Variants in GLT1D1 observed in about 807,000 individuals in gnomAD.
The protein encoded by GLT1D1 is glycosyltransferase 1 domain containing 1.
GLT1D1 carries 21 observed loss-of-function variants against 28.7 expected under a neutral mutation model. The observed-to-expected ratio is 0.73, with a 90% CI of 0.52 to 1.05. The LOEUF (loss-of-function observed/expected upper bound fraction) is 1.05, where lower values mean the gene tolerates loss of function less well. Among genes scored for constraint, GLT1D1 ranks in the 50% least tolerant of loss-of-function variants. GLT1D1 has a pLI of 0.00. For missense variants in GLT1D1, 343 were observed against 330.6 expected (o/e 1.04, Z -0.29); for synonymous variants, 147 against 124.8 (o/e 1.18, Z -1.19).
At chr12:128,878,295 A>T (rs1956921660) in intron 2 of GLT1D1, among the ~76,000 whole-genome samples, 1 of 152,314 alleles carries the variant, frequency 6.6e-6, no homozygotes, top group African/African-American at 2.4e-5. Context: ...TCAGCCACAC[A>T]TCTGGGAACT....
intron 1 of GLT1D1, among the ~76,000 whole-genome samples, chr12:128,874,128 T>TCTCTCTC (rs1566091531): frequency 2.1e-5 from 1 of 46,564 alleles, no homozygotes; most frequent in African/African-American, 9.3e-5. Context: ...CTCTCTCTCT[T>TCTCTCTC]TCTTTCTTTC....
chr12:128,966,491 C>T lies in GLT1D1; in HGVS notation c.639+8848C>T, dbSNP rs192980722. On this transcript the variant is annotated intron_variant, in intron 7 of 7. Transcript: ENST00000281703. ...TCCTGGCATGTGTCACGGTGCCACA[C>T]TGCTTGCTCCCCACACCCTCCTCCC... Among the ~76,000 whole-genome samples, 166 of 152,330 alleles carry T rather than the reference C, an allele frequency of 1.1e-3. 3 individuals are homozygous for T. Among genetic ancestry groups the T allele is most frequent in the Non-Finnish European group, 9.3e-4 (63 of 68,034 alleles).
Position 128,983,042 on chromosome 12 carries a change from C to T in GLT1D1, c.753C>T (p.Asp251=), listed in dbSNP as rs779962467. ...ATCATTCATGGCAGGTGGAAAGAGA[C>T]ACCTACCAACAGCTCATCAGGAAGC... Residue 251 remains aspartate (D), a synonymous_variant, in exon 8 of 8, where the codon GAC becomes GAT. Transcript: ENST00000281703. This position sits in a 1 kb window ranked among gnomAD's most constrained non-coding sequence, Gnocchi z 4.7. 6 of 1,613,990 alleles carry T rather than the reference C, an allele frequency of 3.7e-6. No homozygotes were observed. Among genetic ancestry groups the T allele is most frequent in the Non-Finnish European group, 5.1e-6 (6 of 1,180,004 alleles).
chr12:128,922,870 C>A (rs1383226039), intron 4 of GLT1D1, among the ~76,000 whole-genome samples: 1 of 141,102 alleles, frequency 7.1e-6, no homozygotes, highest in African/African-American at 2.6e-5. Flanking sequence ...TTGCAGTGAG[C>A]CGAGAACGCA....
intron 2 of GLT1D1, among the ~76,000 whole-genome samples, chr12:128,876,835 C>T (rs1956881283): frequency 6.6e-6 from 1 of 152,142 alleles, no homozygotes. Flanking sequence ...AACTGATTAA[C>T]ATCCAACAAG....
chr12:128,883,566 G>A (rs1325818852), intron 2 of GLT1D1, among the ~76,000 whole-genome samples: 1 of 147,892 alleles, frequency 6.8e-6, no homozygotes, highest in East Asian at 2.0e-4. Context: ...CTCTAGCCTG[G>A]GCGACAGAGC....
chr12:128,923,920 A>C (rs1166511540), intron 4 of GLT1D1, among the ~76,000 whole-genome samples: 1 of 152,018 alleles, frequency 6.6e-6, no homozygotes, highest in Non-Finnish European at 1.5e-5. Context: ...TTATTACAAA[A>C]TTAAACATAT....
intron 1 of GLT1D1, among the ~76,000 whole-genome samples, chr12:128,859,119 G>C (rs1017753111): frequency 6.6e-6 from 1 of 152,206 alleles, no homozygotes; most frequent in Admixed American, 6.5e-5. Context: ...AGGACCTCCT[G>C]AGGGCTGTGT....
chr12:128,921,837 G>A (rs944797972), intron 4 of GLT1D1, among the ~76,000 whole-genome samples: 2 of 151,800 alleles, frequency 1.3e-5, no homozygotes, highest in Non-Finnish European at 2.9e-5. Context: ...TCATCTTGAC[G>A]TCACCTGCGT....
chr12:128,921,207 A>T (rs1872628984), intron 4 of GLT1D1, among the ~76,000 whole-genome samples: 1 of 150,884 alleles, frequency 6.6e-6, no homozygotes, highest in African/African-American at 2.4e-5. Flanking sequence ...TTTTTTTTTT[A>T]ACCTAGAGTA....
At position 128,941,171 on chromosome 12, in the gene GLT1D1, G is replaced by A. The variant is rs1291267326; in HGVS notation, c.376-4155G>A. ...GCCTAAGTTGGCACTTCCTTGTCACGGCTGAGTGGCACTCCTTTGTATGGA... is the reference window on the plus strand; with the variant it reads ...GCCTAAGTTGGCACTTCCTTGTCACAGCTGAGTGGCACTCCTTTGTATGGA... On this transcript the variant is annotated intron_variant, in intron 4 of 7. Transcript: ENST00000281703. Among the ~76,000 whole-genome samples, 5 of 152,230 alleles carry A rather than the reference G, an allele frequency of 3.3e-5. No homozygotes were observed. The South Asian group carries it at 6.2e-4, about 19-fold the overall frequency.
intron 7 of GLT1D1, among the ~76,000 whole-genome samples, chr12:128,960,742 T>G (rs1386639631): frequency 6.6e-6 from 1 of 151,626 alleles, no homozygotes; most frequent in Non-Finnish European, 1.5e-5. Flanking sequence ...CACTCCAGCC[T>G]GGGTGACAGA....
intron 4 of GLT1D1, among the ~76,000 whole-genome samples, chr12:128,931,598 G>A (rs982593176): frequency 6.6e-6 from 1 of 152,088 alleles, no homozygotes; most frequent in Non-Finnish European, 1.5e-5. Context: ...GTAAGCCACC[G>A]CGCCTGGCCC....
chr12:128,968,031 C>G (rs1248512313), intron 7 of GLT1D1, among the ~76,000 whole-genome samples: 1 of 152,142 alleles, frequency 6.6e-6, no homozygotes, highest in Non-Finnish European at 1.5e-5. Context: ...GAGTCTCGCT[C>G]TGTCGCCCAG....
At chr12:128,903,090 C>A (rs958886400) in intron 4 of GLT1D1, among the ~76,000 whole-genome samples, 1 of 151,568 alleles carries the variant, frequency 6.6e-6, no homozygotes, top group Non-Finnish European at 1.5e-5. Context: ...ATTCATTGCC[C>A]TTTTCTCTAA....
chr12:128,944,916 T>A, intron 4 of GLT1D1: 1 of 483,598 alleles, frequency 2.1e-6, no homozygotes. Flanking sequence ...TCATTTACAT[T>A]AGGTATTTCT....
chr12:128,891,902 C>T (rs181635777), intron 3 of GLT1D1, among the ~76,000 whole-genome samples: 36 of 152,236 alleles, frequency 2.4e-4, no homozygotes, highest in African/African-American at 7.0e-4. Flanking sequence ...CCTGATGACA[C>T]GTGCCCAAGG....
chr12:128,895,844 T>C (rs981842055), intron 3 of GLT1D1, among the ~76,000 whole-genome samples: 3 of 152,162 alleles, frequency 2.0e-5, no homozygotes, highest in African/African-American at 7.2e-5. Context: ...GAACTGAGTC[T>C]TGGAGCAGCC....
chr12:128,940,768 A>G (rs1454858486), intron 4 of GLT1D1, among the ~76,000 whole-genome samples: 3 of 152,184 alleles, frequency 2.0e-5, no homozygotes, highest in African/African-American at 7.2e-5. Flanking sequence ...GTGACTAATG[A>G]AAAGGCTGCC....
Sources: allele counts gnomAD v4.1 joint callset (sites outside exome capture counted in the v4.1 genomes callset), GRCh38; gene constraint gnomAD v4.1.1; non-coding constraint Gnocchi (gnomAD v3.1); transcripts MANE v1.5; gene names NCBI Gene and HGNC (gene_info 2026-07-23, HGNC 2026-07-21).